Variants in CACNA1D observed in about 807,000 individuals in gnomAD.
CACNA1D encodes calcium voltage-gated channel subunit alpha1 D, also known as voltage-dependent L-type calcium channel subunit alpha-1D.
Under a neutral mutation model 257.1 loss-of-function variants are expected in CACNA1D, and 55 were observed. The observed-to-expected ratio is 0.21, with a 90% confidence interval of 0.17 to 0.27. The LOEUF is 0.27. Among genes scored for constraint, CACNA1D ranks in the 10% least tolerant of loss-of-function variants. CACNA1D has a pLI of 1.00. For synonymous variants in CACNA1D, 980 were observed against 1,014.9 expected, an observed-to-expected ratio of 0.97 and a Z score of 0.65; for missense variants, 1,876 against 2,784.0, an observed-to-expected ratio of 0.67 and a Z score of 7.34.
intron 40 of CACNA1D, among the ~76,000 whole-genome samples, chr3:53,794,707 A>G (rs1297857917): frequency 6.6e-6 from 1 of 152,224 alleles, no homozygotes; most frequent in East Asian, 1.9e-4. Flanking sequence ...AAACAAGAAC[A>G]TGCAAGCACA....
intron 3 of CACNA1D, among the ~76,000 whole-genome samples, chr3:53,604,440 G>A (rs2093481882): frequency 6.6e-6 from 1 of 152,188 alleles, no homozygotes; most frequent in Non-Finnish European, 1.5e-5. Flanking sequence ...GATGGGGCTG[G>A]CACATTGTTG....
chr3:53,763,932 C>T (rs1296820276), intron 30 of CACNA1D, among the ~76,000 whole-genome samples: 1 of 152,132 alleles, frequency 6.6e-6, no homozygotes, highest in Non-Finnish European at 1.5e-5. Flanking sequence ...AAAATGCTTG[C>T]TAAAAACCCC....
chr3:53,658,573 T>C (rs1271847952), intron 4 of CACNA1D, among the ~76,000 whole-genome samples: 1 of 152,238 alleles, frequency 6.6e-6, no homozygotes, highest in African/African-American at 2.4e-5. Flanking sequence ...ATAAATTACT[T>C]TGCTAACCCT....
Position 53,635,279 on chromosome 3 carries a change from C to T in CACNA1D, c.484-15500C>T, listed in dbSNP as rs560397502. Among the ~76,000 whole-genome samples the T allele has an allele frequency of 3.9e-5, 6 of 152,280 alleles. No individual in the cohort carries two copies. In the South Asian group the frequency reaches 8.3e-4, roughly 21 times the overall value. ...CTCCTGGGCCTACAGACTGCAGTCT[C>T]GGGTGGGTACCCATGGCCCAGGACT... On this transcript the variant is annotated intron_variant, in intron 3 of 47. Transcript: ENST00000350061.
intron 29 of CACNA1D, among the ~76,000 whole-genome samples, chr3:53,755,784 C>T (rs1026601831): frequency 6.6e-5 from 10 of 152,204 alleles, no homozygotes; most frequent in Non-Finnish European, 1.3e-4. Flanking sequence ...AAGCAATGCC[C>T]TCCTTAAAAT....
chr3:53,641,456 T>G (rs2093948725), intron 3 of CACNA1D, among the ~76,000 whole-genome samples: 1 of 152,184 alleles, frequency 6.6e-6, no homozygotes, highest in African/African-American at 2.4e-5. Context: ...GAATCCCCAG[T>G]GCTCAGGATC....
chr3:53,614,848 A>C (rs1032630915), intron 3 of CACNA1D, among the ~76,000 whole-genome samples: 1 of 152,238 alleles, frequency 6.6e-6, no homozygotes, highest in African/African-American at 2.4e-5. Flanking sequence ...ACACAGTGCC[A>C]AGAGTCACCA....
At chr3:53,607,935 G>T (rs1489079627) in intron 3 of CACNA1D, among the ~76,000 whole-genome samples, 1 of 152,084 alleles carries the variant, frequency 6.6e-6, no homozygotes, top group African/African-American at 2.4e-5. Flanking sequence ...GTAGCTTTAT[G>T]GTGTATCTGG....
chr3:53,717,318 G>C lies in CACNA1D; in HGVS notation c.1391-983G>C, dbSNP rs565648694. Among the ~76,000 whole-genome samples, 9 of 152,324 alleles carry C rather than the reference G, an allele frequency of 5.9e-5. No homozygotes were observed. In the East Asian group the frequency reaches 1.7e-3, roughly 29 times the overall value. ...CACAGCTGATGGAAGTGAGCTGGGG[G>C]CTGCCTGTCCCTCACCCCTATTCCA... On this transcript the variant is annotated intron_variant, in intron 9 of 47. Coordinates refer to ENST00000350061, the MANE Select transcript of CACNA1D (RefSeq NM_001128840.3).
intron 21 of CACNA1D, among the ~76,000 whole-genome samples, chr3:53,741,669 C>A (rs1489412272): frequency 6.6e-6 from 1 of 152,090 alleles, no homozygotes; most frequent in Non-Finnish European, 1.5e-5. Context: ...TGTGGGAGGG[C>A]CTGTGGATGC....
In CACNA1D at chr3:53,789,862, C is replaced by T. The variant is rs1472267622; in HGVS notation, c.4923+2910C>T. Among the ~76,000 whole-genome samples, 2 of 152,164 alleles carry T rather than the reference C, an allele frequency of 1.3e-5. No individual in the cohort carries two copies. The highest frequency in any genetic ancestry group is 4.8e-5 in the African/African-American group (2 of 41,426). The stretch of plus-strand genomic sequence containing the variant: ...CTGTGGTTTTGAACCCTGTGGGCTC[C>T]ATCTGATCTCCCTGTGTTCAGACCA... On this transcript the variant is annotated intron_variant, in intron 40 of 47. Coordinates refer to ENST00000350061, the MANE Select transcript of CACNA1D (RefSeq NM_001128840.3). The surrounding 1 kb of genome is among the most constrained non-coding windows in gnomAD (Gnocchi z 4.2).
chr3:53,762,972 A>G (rs764142853), intron 30 of CACNA1D, among the ~76,000 whole-genome samples: 6 of 152,316 alleles, frequency 3.9e-5, no homozygotes, highest in East Asian at 1.9e-4. Context: ...TCCGAGTGCT[A>G]TGTGCCTCAG....
At chr3:53,522,563 C>G (rs1035635688) in intron 3 of CACNA1D, among the ~76,000 whole-genome samples, 1 of 152,196 alleles carries the variant, frequency 6.6e-6, no homozygotes, top group Non-Finnish European at 1.5e-5. Flanking sequence ...GAGAGGTTAG[C>G]TCCTAAAAGT....
At chr3:53,740,083 A>T (rs990587349) in intron 20 of CACNA1D, among the ~76,000 whole-genome samples, 197 bp from the exon 21 acceptor site, 9 of 152,246 alleles carry the variant, frequency 5.9e-5, no homozygotes, top group African/African-American at 2.2e-4. Context: ...GGAGGTCAGG[A>T]TTCTCAAACG....
At chr3:53,630,865 T>C (rs1576160898) in intron 3 of CACNA1D, among the ~76,000 whole-genome samples, 1 of 152,208 alleles carries the variant, frequency 6.6e-6, no homozygotes, top group Non-Finnish European at 1.5e-5. Context: ...TGTTTTTGTT[T>C]CCCGGTGCAT....
chr3:53,783,381 A>G (rs1406953019), intron 39 of CACNA1D, among the ~76,000 whole-genome samples: 1 of 152,284 alleles, frequency 6.6e-6, no homozygotes, highest in African/African-American at 2.4e-5. Context: ...TAGCTTTATC[A>G]GACTTCTAGT....
chr3:53,752,966 C>T (rs1015222460), intron 28 of CACNA1D, among the ~76,000 whole-genome samples: 2 of 152,158 alleles, frequency 1.3e-5, no homozygotes, highest in African/African-American at 2.4e-5. Flanking sequence ...AGATACTCTA[C>T]GAGGACAGGA....
At chr3:53,556,650 T>C (rs868056165) in intron 3 of CACNA1D, among the ~76,000 whole-genome samples, 3 of 152,150 alleles carry the variant, frequency 2.0e-5, no homozygotes, top group African/African-American at 7.2e-5. Context: ...TTATCAGATA[T>C]GTGATTTGCA....
rs1394538030 is a variant in CACNA1D, at chr3:53,555,468, T to G, written c.483+53748T>G. On this transcript the variant is annotated intron_variant, in intron 3 of 47. Transcript: ENST00000350061. ...TGTGTGTGTGTGTGTGTGTTTTTTTTTTTTTTTTTTTTTTCTGAGGTACTT... is the reference window on the plus strand; with the variant it reads ...TGTGTGTGTGTGTGTGTGTTTTTTTGTTTTTTTTTTTTTTCTGAGGTACTT... Among the ~76,000 whole-genome samples the G allele has an allele frequency of 5.2e-3, 724 of 139,672 alleles. 1 individual carries two copies. The highest frequency in any genetic ancestry group is 0.018 in the African/African-American group (679 of 37,480). The allele number at this position is 139,672 out of a possible 152,430, so 91.6% of individuals were successfully genotyped here.
Sources: allele counts gnomAD v4.1 joint callset (sites outside exome capture counted in the v4.1 genomes callset), GRCh38; gene constraint gnomAD v4.1.1; non-coding constraint Gnocchi (gnomAD v3.1); transcripts MANE v1.5; gene names NCBI Gene and HGNC (gene_info 2026-07-23, HGNC 2026-07-21).